ZMAT4: variants seen among roughly 807,000 people sequenced by gnomAD.
ZMAT4 encodes zinc finger matrin-type 4.
In ZMAT4, 17 loss-of-function variants were observed where a neutral mutation model predicts 28.7. The ratio of observed to expected loss-of-function variants is 0.59; its 90% CI spans 0.41 to 0.89. The LOEUF is 0.89. Ranked by LOEUF, ZMAT4 falls within the 40% of genes least tolerant of loss-of-function variation. The probability of loss-of-function intolerance (pLI) is 0.00; values close to 1 mark genes in which losing one functional copy is unlikely to be tolerated. For missense variants in ZMAT4, 240 were observed against 283.8 expected (o/e 0.85, Z 1.11); for synonymous variants, 117 against 109.2 (o/e 1.07, Z -0.44).
At chr8:40,786,644 C>G (rs1814099466) in intron 2 of ZMAT4, 3 of 1,229,498 alleles carry the variant, frequency 2.4e-6, no homozygotes, top group Non-Finnish European at 3.2e-6. Flanking sequence ...TGTGAACATC[C>G]ATTCATTAAC....
intron 5 of ZMAT4, 140 bp downstream of exon 5, chr8:40,674,564 T>C: frequency 1.5e-6 from 1 of 654,344 alleles, no homozygotes; most frequent in Non-Finnish European, 2.7e-6. Context: ...CTCATTTCCT[T>C]TCTTGTCCAT....
intron 4 of ZMAT4, among the ~76,000 whole-genome samples, chr8:40,691,417 AAAGAG>A (rs1447772994): frequency 6.7e-6 from 1 of 149,146 alleles, no homozygotes; most frequent in Non-Finnish European, 1.5e-5. Flanking sequence ...AAAAAAAAAA[AAAGAG>A]AGAGAGACTT....
intron 5 of ZMAT4, among the ~76,000 whole-genome samples, chr8:40,628,422 A>G (rs1806454445): frequency 6.6e-6 from 1 of 152,236 alleles, no homozygotes; most frequent in East Asian, 1.9e-4. Context: ...AACCTTATGA[A>G]GTGTGTGTTA....
At chr8:40,706,116 G>C (rs552247364) in intron 3 of ZMAT4, among the ~76,000 whole-genome samples, 28 of 151,976 alleles carry the variant, frequency 1.8e-4, no homozygotes, top group Admixed American at 1.4e-3. Flanking sequence ...ACAGTGATGC[G>C]ATCTCAGCTC....
intron 6 of ZMAT4, among the ~76,000 whole-genome samples, chr8:40,576,110 G>A (rs1345250713): frequency 6.6e-6 from 1 of 151,668 alleles, no homozygotes; most frequent in Non-Finnish European, 1.5e-5. Flanking sequence ...AAATAACTTA[G>A]GCAGACAAAA....
chr8:40,723,582 A>C (rs1488301075), intron 3 of ZMAT4, among the ~76,000 whole-genome samples: 4 of 150,856 alleles, frequency 2.7e-5, no homozygotes, highest in African/African-American at 9.7e-5. Context: ...GTATTAATTA[A>C]ATTAAAAGAA....
intron 3 of ZMAT4, among the ~76,000 whole-genome samples, chr8:40,742,998 G>A (rs1186622576): frequency 6.6e-6 from 1 of 151,910 alleles, no homozygotes; most frequent in Non-Finnish European, 1.5e-5. Context: ...GGTCACCTGA[G>A]GTCAGGAGTT....
chr8:40,618,243 C>A (rs992471255), intron 5 of ZMAT4, among the ~76,000 whole-genome samples: 21 of 152,298 alleles, frequency 1.4e-4, no homozygotes, highest in African/African-American at 4.3e-4. Context: ...AAAACAAATT[C>A]TTTGTCCTGG....
intron 1 of ZMAT4, among the ~76,000 whole-genome samples, chr8:40,878,798 C>T (rs1053334136): frequency 2.0e-5 from 3 of 152,162 alleles, no homozygotes; most frequent in African/African-American, 7.2e-5. Context: ...TGGGAGATGC[C>T]CCCTCCTCTG....
intron 5 of ZMAT4, among the ~76,000 whole-genome samples, chr8:40,601,663 A>C (rs1410797841): frequency 3.3e-5 from 1 of 30,082 alleles, no homozygotes; most frequent in African/African-American, 1.1e-4. Flanking sequence ...AAAGAAAGAA[A>C]GAAAGAAAGA....
intron 6 of ZMAT4, among the ~76,000 whole-genome samples, chr8:40,567,490 G>C (rs1055509632): frequency 6.6e-6 from 1 of 152,102 alleles, no homozygotes; most frequent in Non-Finnish European, 1.5e-5. Flanking sequence ...CAGCACTCTG[G>C]GAGGCTCAAG....
At chr8:40,829,683 C>A (rs943400799) in intron 1 of ZMAT4, among the ~76,000 whole-genome samples, 3 of 152,154 alleles carry the variant, frequency 2.0e-5, no homozygotes, top group Non-Finnish European at 4.4e-5. Context: ...GCACAGGCAA[C>A]TAATTCCAAC....
intron 6 of ZMAT4, among the ~76,000 whole-genome samples, chr8:40,548,564 A>ATTCTGATGAT (rs1267667004): frequency 5.9e-5 from 9 of 152,160 alleles, no homozygotes; most frequent in African/African-American, 1.9e-4. Context: ...TTTCTTAGAG[A>ATTCTGATGAT]TTCTGATGAT....
chr8:40,695,606 G>A (rs994577996), intron 4 of ZMAT4, among the ~76,000 whole-genome samples: 1 of 152,118 alleles, frequency 6.6e-6, no homozygotes, highest in Non-Finnish European at 1.5e-5. Context: ...GCTGTACTTC[G>A]CTTTTTCCTT....
intron 5 of ZMAT4, among the ~76,000 whole-genome samples, chr8:40,641,720 T>A (rs920660592): frequency 1.3e-5 from 2 of 152,188 alleles, no homozygotes; most frequent in African/African-American, 4.8e-5. Flanking sequence ...TAACATAAGA[T>A]CTGCCTTCTT....
rs1255913961 is a variant in ZMAT4, at chr8:40,697,386, T to C, written c.208A>G (p.Met70Val). ...GTGCAGCACTTGTTCTTATCCACCA[T>C]GTCGGCATCACTTCCCTGCGCAGGG... is the stretch of plus-strand genomic sequence containing the variant. ...LRSENGSDAD[M>V]VDKNKCCTLC... Residue 70 changes from methionine (M) to valine (V), a missense_variant, in exon 4 of 7, where the codon ATG becomes GTG. Met to Val is a conservative substitution (Grantham distance 21, BLOSUM62 1). Transcript: ENST00000297737. 3 of 1,595,974 alleles carry C rather than the reference T, an allele frequency of 1.9e-6. No individual in the cohort carries two copies. The highest frequency in any genetic ancestry group is 1.1e-5 in the South Asian group (1 of 88,676).
intron 1 of ZMAT4, among the ~76,000 whole-genome samples, chr8:40,896,926 T>G (rs147683356): frequency 1.7e-4 from 26 of 151,336 alleles, no homozygotes; most frequent in Admixed American, 3.3e-4. Flanking sequence ...GGGTGTAAGC[T>G]TCACATGGTA....
intron 1 of ZMAT4, among the ~76,000 whole-genome samples, chr8:40,851,838 A>C (rs897324324): frequency 3.3e-5 from 5 of 152,210 alleles, no homozygotes; most frequent in African/African-American, 9.7e-5. Context: ...AGAACTTCCT[A>C]TAGAACACCC....
intron 5 of ZMAT4, among the ~76,000 whole-genome samples, chr8:40,629,847 A>C (rs1806510816): frequency 6.6e-6 from 1 of 152,008 alleles, no homozygotes; most frequent in East Asian, 1.9e-4. Flanking sequence ...TGCTATTGTG[A>C]GTAGTGCCGC....
Sources: allele counts gnomAD v4.1 joint callset (sites outside exome capture counted in the v4.1 genomes callset), GRCh38; gene constraint gnomAD v4.1.1; transcripts MANE v1.5; gene names NCBI Gene and HGNC (gene_info 2026-07-23, HGNC 2026-07-21).